Variants in CPEB3 observed in about 807,000 individuals in gnomAD.
The protein encoded by CPEB3 is cytoplasmic polyadenylation element-binding protein 3.
In CPEB3, 20 loss-of-function variants were observed where a neutral mutation model predicts 67.2. The ratio of observed to expected loss-of-function variants is 0.30; its 90% CI spans 0.21 to 0.43. CPEB3 has a LOEUF of 0.43. CPEB3 is among the 20% of genes least tolerant of loss of function. CPEB3 has a pLI of 1.00. For synonymous variants in CPEB3, 376 were observed against 393.1 expected (o/e 0.96, Z 0.51); for missense variants, 746 against 968.6 (o/e 0.77, Z 3.05).
intron 8 of CPEB3, among the ~76,000 whole-genome samples, chr10:92,088,833 C>T (rs1843490483): frequency 6.6e-6 from 1 of 152,110 alleles, no homozygotes; most frequent in African/African-American, 2.4e-5. Context: ...TTTAGACTTT[C>T]CAAAATTCCA....
intron 9 of CPEB3, among the ~76,000 whole-genome samples, chr10:92,068,243 G>T (rs1329238586): frequency 1.3e-5 from 2 of 152,166 alleles, no homozygotes; most frequent in East Asian, 3.8e-4. Context: ...GGCACAGTCT[G>T]GTTTCCTGCT....
chr10:92,119,787 G>A (rs1200263749), intron 6 of CPEB3, among the ~76,000 whole-genome samples: 1 of 152,016 alleles, frequency 6.6e-6, no homozygotes, highest in Non-Finnish European at 1.5e-5. Context: ...AATTATCATT[G>A]AACATATTAA....
chr10:92,221,801 A>G (rs1234766543), intron 2 of CPEB3, among the ~76,000 whole-genome samples: 2 of 152,144 alleles, frequency 1.3e-5, no homozygotes, highest in African/African-American at 4.8e-5. Flanking sequence ...TGGGCAGTAC[A>G]ATGAGACCCC....
In CPEB3 at chr10:92,239,498, G is replaced by A. The variant is rs1243169552; in HGVS notation, c.853C>T (p.Pro285Ser). 2 of 1,583,550 alleles carry A rather than the reference G, an allele frequency of 1.3e-6. No individual in the cohort carries two copies. Among genetic ancestry groups the A allele is most frequent in the Non-Finnish European group, 1.7e-6 (2 of 1,164,450 alleles). Residue 285 changes from proline to serine, a missense_variant, in exon 2 of 10, where the codon CCG (proline) becomes TCG (serine). By Grantham distance (74) the Pro-to-Ser change is moderately conservative. This residue lies in a region of CPEB3 where 643 missense variants were observed against 717.5 expected (regional missense o/e 0.90). Coordinates refer to ENST00000265997, the MANE Select transcript of CPEB3 (RefSeq NM_014912.5). This position sits in a 1 kb window ranked among gnomAD's most constrained non-coding sequence, Gnocchi z 6.0. ...GVGVGVGVPS[P>S]LNPISPLKKP... The stretch of plus-strand genomic sequence containing the variant: ...TTGAGCGGCGAGATGGGGTTGAGCG[G>A]GGAAGGCACCCCGACACCCACACCC...
intron 6 of CPEB3, among the ~76,000 whole-genome samples, chr10:92,126,711 A>G (rs956001950): frequency 3.3e-5 from 5 of 152,250 alleles, no homozygotes; most frequent in African/African-American, 9.6e-5. Flanking sequence ...CATACAGAGG[A>G]GCAAAACAAA....
At chr10:92,247,801 C>T (rs1158192190) in intron 1 of CPEB3, among the ~76,000 whole-genome samples, 9 of 152,182 alleles carry the variant, frequency 5.9e-5, no homozygotes, top group African/African-American at 1.7e-4. Context: ...TGTGAGCCAA[C>T]GCACCTAGCC....
Position 92,192,493 on chromosome 10 carries a change from C to G in CPEB3, c.1149G>C (p.Trp383Cys). 1 of 1,613,680 alleles carries G rather than the reference C, an allele frequency of 6.2e-7. No individual in the cohort carries two copies. The highest frequency in any genetic ancestry group is 8.5e-7 in the Non-Finnish European group (1 of 1,179,868). Residue 383 changes from tryptophan (W) to cysteine (C), a missense_variant, in exon 3 of 10, where the codon TGG becomes TGC. Trp to Cys is a radical substitution (Grantham distance 215). Coordinates refer to ENST00000265997, the MANE Select transcript of CPEB3 (RefSeq NM_014912.5). ...ATTCCTAACCTGCAAAATGATTCCT[C>G]CACATTATATCAGCGAAACTCATTG... Reference protein sequence around the residue: ...GPPMSFADIMWRNHFAGRMGI... With the variant: ...GPPMSFADIMCRNHFAGRMGI...
intron 6 of CPEB3, among the ~76,000 whole-genome samples, chr10:92,131,945 T>C (rs1209275384): frequency 3.3e-5 from 5 of 152,326 alleles, no homozygotes; most frequent in Admixed American, 3.3e-4. Context: ...TTAAAATTTT[T>C]CCAGTATCTG....
intron 2 of CPEB3, among the ~76,000 whole-genome samples, chr10:92,213,522 G>A (rs17107487): frequency 0.092 from 14,054 of 152,204 alleles, 2,152 homozygotes; most frequent in African/African-American, 0.32. Context: ...GAATGGTAGA[G>A]TAGGAGAACA....
chr10:92,047,727 A>G lies in CPEB3; in HGVS notation c.*4485T>C, dbSNP rs543754712. On this transcript the variant is annotated 3_prime_UTR_variant, in exon 10 of 10. Coordinates refer to ENST00000265997, the MANE Select transcript of CPEB3 (RefSeq NM_014912.5). ...TACATCACAACTTGATCTAATCTAT[A>G]TATTATTTACAAAACTGAATACATA... The G allele has an allele frequency of 2.0e-5, 3 of 152,370 alleles. No individual in the cohort carries two copies. The highest frequency in any genetic ancestry group is 2.1e-4 in the South Asian group (1 of 4,828). 9.4% of individuals were successfully genotyped at this position (152,370 alleles called of 1,614,324 possible).
intron 7 of CPEB3, among the ~76,000 whole-genome samples, chr10:92,093,489 G>A (rs889784329): frequency 3.3e-5 from 5 of 151,868 alleles, no homozygotes; most frequent in African/African-American, 1.2e-4. Flanking sequence ...GAATTGCTCA[G>A]TTAGAAACAG....
At chr10:92,181,146 C>A in intron 3 of CPEB3, 127 bp from the exon 4 acceptor site, 2 of 516,154 alleles carry the variant, frequency 3.9e-6, no homozygotes, top group Non-Finnish European at 6.7e-6. Flanking sequence ...AAGGCCAAAG[C>A]AGTTACAACA....
chr10:92,244,106 G>A (rs190233888), intron 1 of CPEB3, among the ~76,000 whole-genome samples: 8 of 152,220 alleles, frequency 5.3e-5, no homozygotes, highest in East Asian at 3.9e-4. Flanking sequence ...CAGCGCTTTG[G>A]GAGGCCGAGG....
At chr10:92,242,481 A>G (rs1443811183) in intron 1 of CPEB3, among the ~76,000 whole-genome samples, 1 of 152,246 alleles carries the variant, frequency 6.6e-6, no homozygotes, top group Non-Finnish European at 1.5e-5. Flanking sequence ...AGACATTTTC[A>G]TACTTGGTTT....
intron 1 of CPEB3, among the ~76,000 whole-genome samples, chr10:92,287,087 A>G (rs891871768): frequency 6.6e-6 from 1 of 151,672 alleles, no homozygotes; most frequent in Non-Finnish European, 1.5e-5. Flanking sequence ...GTTTTTGTCT[A>G]TAGTCATGCT....
chr10:92,276,684 C>T (rs1167322105), intron 1 of CPEB3, among the ~76,000 whole-genome samples: 1 of 152,170 alleles, frequency 6.6e-6, no homozygotes, highest in Non-Finnish European at 1.5e-5. Context: ...CATATGTTTT[C>T]ATTTCTCGGG....
intron 9 of CPEB3, among the ~76,000 whole-genome samples, chr10:92,077,369 A>G (rs552531776): frequency 1.4e-4 from 21 of 152,270 alleles, no homozygotes; most frequent in Admixed American, 1.4e-3. Flanking sequence ...GGGACAGAGT[A>G]ACAGTTCTGG....
intron 4 of CPEB3, among the ~76,000 whole-genome samples, chr10:92,145,693 A>T (rs1442988050): frequency 6.6e-6 from 1 of 151,490 alleles, no homozygotes; most frequent in Non-Finnish European, 1.5e-5. Context: ...AAATCACTGC[A>T]TTTTACTCAT....
At chr10:92,159,392 C>G (rs996557413) in intron 4 of CPEB3, among the ~76,000 whole-genome samples, 1 of 152,074 alleles carries the variant, frequency 6.6e-6, no homozygotes, top group Non-Finnish European at 1.5e-5. Context: ...CTATTTCTGA[C>G]TGGGTGCAGT....
Sources: allele counts gnomAD v4.1 joint callset (sites outside exome capture counted in the v4.1 genomes callset), GRCh38; gene constraint gnomAD v4.1.1; regional missense constraint gnomAD v4.1.1; non-coding constraint Gnocchi (gnomAD v3.1); transcripts MANE v1.5; gene names NCBI Gene and HGNC (gene_info 2026-07-23, HGNC 2026-07-21).